The following DHX37 variants were observed in gnomAD, a reference collection of about 807,000 sequenced individuals.
The protein encoded by DHX37 is DEAH-box helicase 37.
A neutral mutation model predicts 134.3 loss-of-function variants in DHX37; 52 were observed. That is an observed-to-expected ratio of 0.39 (90% CI 0.31 to 0.49). The LOEUF (loss-of-function observed/expected upper bound fraction) is 0.49. Among genes scored for constraint, DHX37 ranks in the 20% least tolerant of loss-of-function variants. The pLI is 0.93. For missense variants in DHX37, 1,344 were observed against 1,580.8 expected (o/e 0.85, Z 2.54); for synonymous variants, 634 against 670.7 (o/e 0.95, Z 0.85).
At chr12:124,965,960 TC>T in intron 12 of DHX37, 148 bp from the exon 13 acceptor site, 1 of 999,576 alleles carries the variant, frequency 1.0e-6, no homozygotes, top group Non-Finnish European at 1.4e-6. Context: ...AATTCTCTCT[TC>T]CTGCCAGAAT....
intron 6 of DHX37, among the ~76,000 whole-genome samples, chr12:124,973,624 C>T (rs1286657214): frequency 2.1e-5 from 3 of 144,002 alleles, no homozygotes; most frequent in East Asian, 2.1e-4. Context: ...TATGTATATG[C>T]GCCCCCCCCA....
intron 25 of DHX37, chr12:124,948,462 A>C: frequency 1.9e-6 from 1 of 534,882 alleles, no homozygotes; most frequent in Non-Finnish European, 3.3e-6. Flanking sequence ...AAACAAACAA[A>C]CTGGCTGAGC....
rs554918664 is a variant in DHX37, at chr12:124,960,185, A to G, written c.2157+127T>C. On this transcript the variant is annotated intron_variant, in intron 16 of 26. Transcript: ENST00000308736. Reference sequence around the variant, plus strand: ...CCAGAAGCCCTGGGAGCACCTGCTGATGCACTGTTGTGTAAGCAGCTGCCG... The same window carrying G: ...CCAGAAGCCCTGGGAGCACCTGCTGGTGCACTGTTGTGTAAGCAGCTGCCG... The G allele has an allele frequency of 9.6e-6, 14 of 1,459,324 alleles. No homozygotes were observed. In the East Asian group the frequency reaches 3.0e-4, roughly 31 times the overall value. The allele number at this position is 1,459,324 out of a possible 1,614,324, so 90.4% of individuals were successfully genotyped here. A position where few individuals can be genotyped will look rare whatever the true frequency, so the allele number is the denominator to read the frequency against.
At chr12:124,972,248 C>T (rs554304868) in intron 7 of DHX37, among the ~76,000 whole-genome samples, 2 of 152,364 alleles carry the variant, frequency 1.3e-5, no homozygotes, top group Non-Finnish European at 2.9e-5. Flanking sequence ...CTTCTAGGTA[C>T]GGGCCACTGT....
chr12:124,954,010 A>T lies in DHX37; in HGVS notation c.2579-14T>A. On this transcript the variant is annotated splice_polypyrimidine_tract_variant and intron_variant, in intron 19 of 26. Coordinates refer to ENST00000308736, the MANE Select transcript of DHX37 (RefSeq NM_032656.4). ...CTCCCACGGCGCCTGGGGAACGAAG[A>T]GGGGGCATGCTCTCTCTCTGACCCA... 3 of 1,613,566 alleles carry T rather than the reference A, an allele frequency of 1.9e-6. No homozygotes were observed. Among genetic ancestry groups the T allele is most frequent in the Non-Finnish European group, 2.5e-6 (3 of 1,179,952 alleles).
chr12:124,982,452 C>G, intron 3 of DHX37, 59 bp downstream of exon 3: 1 of 1,595,466 alleles, frequency 6.3e-7, no homozygotes, highest in South Asian at 1.1e-5. Flanking sequence ...ATAACCTGTG[C>G]GCCCTCCCTA....
chr12:124,970,269 C>T lies in DHX37; in HGVS notation c.1191+1033G>A, dbSNP rs538349979. 1.3e-4 allele frequency among the ~76,000 whole-genome samples: 20 copies of T among 152,324 alleles called. No individual in the cohort carries two copies. The South Asian group carries it at 3.9e-3, about 30-fold the overall frequency. The stretch of plus-strand genomic sequence containing the variant: ...GATTACAGGCGTGAGCCACCGTGCC[C>T]GGCCTAGGGTTTCTTGTTGGATTGA... On this transcript the variant is annotated intron_variant, in intron 8 of 26. Transcript: ENST00000308736.
chr12:124,980,961 C>A lies in DHX37; in HGVS notation c.390-123G>T, dbSNP rs868035144. On this transcript the variant is annotated intron_variant, in intron 3 of 26. Coordinates refer to ENST00000308736, the MANE Select transcript of DHX37 (RefSeq NM_032656.4). This position sits in a 1 kb window ranked among gnomAD's most constrained non-coding sequence, Gnocchi z 5.3. ...ACCTGCTGTTCCACTCCCTGAAATG[C>A]CCTTCCTGCAGATACCTCCTCTCAC... 3.6e-6 allele frequency: 4 copies of A among 1,108,256 alleles called. No individual in the cohort carries two copies. The highest frequency in any genetic ancestry group is 5.0e-6 in the Non-Finnish European group (4 of 793,494). 68.7% of individuals were successfully genotyped at this position (1,108,256 alleles called of 1,614,324 possible). A position where few individuals can be genotyped will look rare whatever the true frequency, so the allele number is the denominator to read the frequency against.
rs1387049932 is a variant in DHX37, at chr12:124,980,491, T to A, written c.737A>T (p.Gln246Leu). Residue 246 changes from glutamine to leucine, a missense_variant and splice_region_variant, in exon 4 of 27, where the codon CAG (glutamine) becomes CTG (leucine). By Grantham distance (113) the Gln-to-Leu change is moderately radical. This residue lies in a region of DHX37 where 77 missense variants were observed against 121.6 expected (regional missense o/e 0.63). Coordinates refer to ENST00000308736, the MANE Select transcript of DHX37 (RefSeq NM_032656.4). The surrounding 1 kb of genome is among the most constrained non-coding windows in gnomAD (Gnocchi z 5.3). ...FIPVNRSPEM[Q>L]EERLKLPILS... is the part of the protein sequence containing the mutation. ...AATCACAAACACGGGGTGGCGAACCTGCATTTCCGGGGAGCGGTTCACGGG... is the reference window on the plus strand; with the variant it reads ...AATCACAAACACGGGGTGGCGAACCAGCATTTCCGGGGAGCGGTTCACGGG... The A allele has an allele frequency of 6.2e-7, 1 of 1,606,660 alleles. No homozygotes were observed. Among genetic ancestry groups the A allele is most frequent in the Non-Finnish European group, 8.5e-7 (1 of 1,178,056 alleles).
At position 124,950,497 on chromosome 12, in the gene DHX37, G is replaced by T; in HGVS notation, c.3037C>A (p.Gln1013Lys). 6.4e-7 allele frequency: 1 copy of T among 1,570,056 alleles called. No homozygotes were observed. ...WIPALLPSYC[Q>K]FDKPLEEPAP... The stretch of plus-strand genomic sequence containing the variant: ...GGTTCCTCCAGGGGCTTGTCAAACT[G>T]GCAGTAAGAGGGCAGCAGGGCCGGG... The change falls in exon 23 of 27, where the codon CAG (glutamine) becomes AAG (lysine). Residue 1013 changes from glutamine (Q) to lysine (K), a missense_variant. Gln to Lys is a moderately conservative substitution (Grantham distance 53). Coordinates refer to ENST00000308736, the MANE Select transcript of DHX37 (RefSeq NM_032656.4).
chr12:124,968,683 G>C, intron 9 of DHX37, 35 bp from the exon 10 acceptor site: 3 of 1,613,546 alleles, frequency 1.9e-6, no homozygotes, highest in Non-Finnish European at 2.5e-6. Flanking sequence ...GGGAGTGGGG[G>C]GGACACGAGC....
intron 13 of DHX37, 40 bp from the exon 14 acceptor site, chr12:124,965,046 C>T (rs1463979032): frequency 1.0e-5 from 16 of 1,567,062 alleles, no homozygotes; most frequent in African/African-American, 1.3e-5. Flanking sequence ...CAGGCCGGGA[C>T]AGATGCCCAC....
intron 25 of DHX37, chr12:124,948,489 G>A (rs1566318822): frequency 6.8e-6 from 3 of 444,200 alleles, no homozygotes; most frequent in Non-Finnish European, 1.2e-5. Flanking sequence ...GCTCACGCCT[G>A]TAATCCCAGC....
At chr12:124,986,831 C>T (rs898248768) in intron 1 of DHX37, among the ~76,000 whole-genome samples, 8 of 152,160 alleles carry the variant, frequency 5.3e-5, no homozygotes, top group Admixed American at 2.0e-4. Context: ...CTTCAACCTC[C>T]GCCTCCCAGG....
chr12:124,975,822 C>T (rs1437291858), intron 5 of DHX37, among the ~76,000 whole-genome samples: 1 of 152,188 alleles, frequency 6.6e-6, no homozygotes, highest in Non-Finnish European at 1.5e-5. Context: ...CAGGAACCCG[C>T]CAAGCCGATG....
rs148555675 is a variant in DHX37 at position 124,979,955 on chromosome 12, A to G, written c.738+535T>C. On this transcript the variant is annotated intron_variant, in intron 4 of 26. Coordinates refer to ENST00000308736, the MANE Select transcript of DHX37 (RefSeq NM_032656.4). ...ATTCAACGGCCAACATTACTCCTCT[A>G]GGGATCCAGAGTTCCTACGTGGGCT... Among the ~76,000 whole-genome samples, 24 of 152,368 alleles carry G rather than the reference A, an allele frequency of 1.6e-4. 1 individual carries two copies. Among genetic ancestry groups the G allele is most frequent in the Admixed American group, 4.6e-4 (7 of 15,308 alleles).
At chr12:124,977,211 G>T in intron 5 of DHX37, 131 bp downstream of exon 5, 1 of 1,162,050 alleles carries the variant, frequency 8.6e-7, no homozygotes, top group Non-Finnish European at 1.1e-6. Flanking sequence ...TAAGTAGCTT[G>T]TCTGAAGTCA....
Position 124,980,639 on chromosome 12 carries a change from C to A in DHX37, c.589G>T (p.Ala197Ser). The A allele has an allele frequency of 6.2e-7, 1 of 1,606,166 alleles. No individual in the cohort carries two copies. Residue 197 changes from alanine to serine, a missense_variant, in exon 4 of 27, where the codon GCA becomes TCA. This residue lies in a region of DHX37 where 319 missense variants were observed against 296.1 expected (regional missense o/e 1.08). Coordinates refer to ENST00000308736, the MANE Select transcript of DHX37 (RefSeq NM_032656.4). The surrounding 1 kb of genome is among the most constrained non-coding windows in gnomAD (Gnocchi z 5.3). ...GGTGCTGGAGCTGGCGGCAGAGGTG[C>A]CACGGTGGTCCCCACACCAGCCTCA... The part of the protein sequence containing the change: ...PAEAGVGTTV[A>S]PLPPAPAPSS...
Position 124,950,189 on chromosome 12 carries a change from T to C in DHX37, c.3176A>G (p.Asp1059Gly), listed in dbSNP as rs1953947294. The change falls in exon 24 of 27, where the codon GAC becomes GGC. Residue 1059 changes from aspartate (D) to glycine (G), a missense_variant. Physicochemically the swap from Asp to Gly is moderately conservative, Grantham distance 94. Coordinates refer to ENST00000308736, the MANE Select transcript of DHX37 (RefSeq NM_032656.4). ...GAACCGGGCAAAGTGCTTGTAGCGG[T>C]CAATCCCCTCTGGAAAATCCACCTC... ...AIEVDFPEGI[D>G]RYKHFARFLL... 7 of 1,613,860 alleles carry C rather than the reference T, an allele frequency of 4.3e-6. No individual in the cohort carries two copies. The highest frequency in any genetic ancestry group is 1.3e-5 in the African/African-American group (1 of 74,902).
Sources: allele counts gnomAD v4.1 joint callset (sites outside exome capture counted in the v4.1 genomes callset), GRCh38; gene constraint gnomAD v4.1.1; regional missense constraint gnomAD v4.1.1; non-coding constraint Gnocchi (gnomAD v3.1); transcripts MANE v1.5; gene names NCBI Gene and HGNC (gene_info 2026-07-23, HGNC 2026-07-21).